PSD3: variants seen among roughly 807,000 people sequenced by gnomAD.
PSD3 encodes pleckstrin and Sec7 domain containing 3.
PSD3 carries 49 observed loss-of-function variants against 105.5 expected under a neutral mutation model. That is an observed-to-expected ratio of 0.46 (90% CI 0.37 to 0.59). PSD3 has a LOEUF of 0.59. Among genes scored for constraint, PSD3 ranks in the 20% least tolerant of loss-of-function variants. The pLI is 0.00. For synonymous variants in PSD3, 557 were observed against 457.8 expected, an observed-to-expected ratio of 1.22 and a Z score of -2.77; for missense variants, 1,561 against 1,263.8, an observed-to-expected ratio of 1.24 and a Z score of -3.57.
chr8:18,813,227 A>G (rs1470510873), intron 4 of PSD3, among the ~76,000 whole-genome samples: 2 of 152,208 alleles, frequency 1.3e-5, no homozygotes, highest in Non-Finnish European at 2.9e-5. Context: ...GATGCCACCA[A>G]ACAAGACAAT....
At position 18,958,439 on chromosome 8, in the gene PSD3, T is replaced by G. The variant is rs1027303452; in HGVS notation, c.22-22297A>C. ...TTGTTTACTTTCTTTTGGGGGAATA[T>G]CTATTTATTTACTTTTGGGTTCCCA... On this transcript the variant is annotated intron_variant, in intron 1 of 15. Coordinates refer to ENST00000327040, the MANE Select transcript of PSD3 (RefSeq NM_015310.4). Among the ~76,000 whole-genome samples, 8 of 152,322 alleles carry G rather than the reference T, an allele frequency of 5.3e-5. 1 individual carries two copies. In the South Asian group the frequency reaches 1.0e-3, roughly 20 times the overall value.
chr8:18,797,429 G>A (rs1451751688), intron 8 of PSD3, among the ~76,000 whole-genome samples: 1 of 152,074 alleles, frequency 6.6e-6, no homozygotes, highest in Non-Finnish European at 1.5e-5. Context: ...CATCCCAGTT[G>A]CCAAGAAGAA....
intron 4 of PSD3, among the ~76,000 whole-genome samples, chr8:18,866,660 A>T (rs1229107063): frequency 1.3e-5 from 2 of 152,184 alleles, no homozygotes; most frequent in African/African-American, 2.4e-5. Context: ...CAAGGAGCCA[A>T]TCCTGAATTT....
At chr8:18,679,671 G>C (rs904464298) in intron 9 of PSD3, among the ~76,000 whole-genome samples, 1 of 152,180 alleles carries the variant, frequency 6.6e-6, no homozygotes, top group African/African-American at 2.4e-5. Flanking sequence ...GAAGTAACTT[G>C]TCTAGGTGAA....
intron 1 of PSD3, among the ~76,000 whole-genome samples, chr8:19,004,495 A>C (rs1826559004): frequency 6.6e-6 from 1 of 152,116 alleles, no homozygotes; most frequent in African/African-American, 2.4e-5. Context: ...AACAGAAAAG[A>C]CAACCCACAG....
chr8:18,577,279 A>G (rs1226539217), intron 12 of PSD3, among the ~76,000 whole-genome samples: 1 of 152,046 alleles, frequency 6.6e-6, no homozygotes, highest in Non-Finnish European at 1.5e-5. Context: ...GGTCTAGAAA[A>G]TCTATTTTCC....
At chr8:18,922,652 T>TATAATTGTTGG (rs1328718389) in intron 2 of PSD3, among the ~76,000 whole-genome samples, 24 of 152,310 alleles carry the variant, frequency 1.6e-4, no homozygotes, top group African/African-American at 5.3e-4. Context: ...TCTCCAAGAC[T>TATAATTGTTGG]GCCCCTTCCC....
intron 15 of PSD3, among the ~76,000 whole-genome samples, chr8:18,548,721 C>T (rs1156702281): frequency 2.0e-5 from 3 of 152,156 alleles, no homozygotes; most frequent in Non-Finnish European, 4.4e-5. Context: ...TTTGCACTTG[C>T]TATCTGCAGT....
At chr8:18,964,242 G>A (rs577822257) in intron 1 of PSD3, among the ~76,000 whole-genome samples, 2 of 152,174 alleles carry the variant, frequency 1.3e-5, no homozygotes, top group South Asian at 4.2e-4. Flanking sequence ...TCCCACCTCA[G>A]CCATCCCAGT....
At chr8:18,948,153 C>A (rs1317191701) in intron 1 of PSD3, among the ~76,000 whole-genome samples, 1 of 152,176 alleles carries the variant, frequency 6.6e-6, no homozygotes, top group Non-Finnish European at 1.5e-5. Context: ...CGCCTTTTCC[C>A]CTACCTATTC....
chr8:18,634,028 T>G (rs892146424), intron 10 of PSD3, among the ~76,000 whole-genome samples: 8 of 152,054 alleles, frequency 5.3e-5, no homozygotes, highest in Non-Finnish European at 1.0e-4. Context: ...TGACGCCGAG[T>G]ATTTTTTCAT....
chr8:19,016,234 G>A (rs1366799323), upstream of PSD3, among the ~76,000 whole-genome samples: 1 of 152,176 alleles, frequency 6.6e-6, no homozygotes, highest in African/African-American at 2.4e-5. Flanking sequence ...AAGGAGGCAC[G>A]CAGACCACCT....
rs74923127 is a variant in PSD3, at chr8:18,707,955, G to A, written c.2173-52270C>T. 2.0e-3 allele frequency among the ~76,000 whole-genome samples: 311 copies of A among 152,326 alleles called. 11 individuals are homozygous for A. In the East Asian group the frequency reaches 0.049, roughly 24 times the overall value. On this transcript the variant is annotated intron_variant, in intron 9 of 15. Transcript: ENST00000327040. ...GAGCTGAATTGCTCAGGGCAACAGA[G>A]GAAAGATTAGGCAATGCCACCTACA...
upstream of PSD3, among the ~76,000 whole-genome samples, chr8:19,017,991 C>T (rs1375408609): frequency 6.6e-6 from 1 of 152,186 alleles, no homozygotes; most frequent in Non-Finnish European, 1.5e-5. Context: ...TCCACAGTGG[C>T]CGCACCACTC....
intron 4 of PSD3, among the ~76,000 whole-genome samples, chr8:18,810,892 AG>A (rs1307174084): frequency 1.3e-5 from 2 of 152,242 alleles, no homozygotes; most frequent in Non-Finnish European, 2.9e-5. Context: ...CACAGCTTCC[AG>A]GGCTGAAATA....
intron 9 of PSD3, among the ~76,000 whole-genome samples, chr8:18,715,024 G>A (rs1442745571): frequency 6.6e-6 from 1 of 152,118 alleles, no homozygotes; most frequent in Non-Finnish European, 1.5e-5. Flanking sequence ...GCAAACTAAT[G>A]CAGGAAAAGA....
At chr8:18,582,816 C>CTTTTTTTTTTTTTTT (rs71217386) in intron 12 of PSD3, among the ~76,000 whole-genome samples, 1 of 125,474 alleles carries the variant, frequency 8.0e-6, no homozygotes, top group Non-Finnish European at 1.6e-5. Context: ...CCACACTGAT[C>CTTTTTTTTTTTTTTT]TTTTTTTTTT....
rs1827898834 is a variant in PSD3 at position 19,035,115 on chromosome 8, A to T, written c.324+49091T>A. Reference sequence around the variant, plus strand: ...ATCTTTTCTGAGTAACAAATATAAAAATTGTCATCCATAAATATTTGATAT... The same window carrying T: ...ATCTTTTCTGAGTAACAAATATAAATATTGTCATCCATAAATATTTGATAT... On this transcript the variant is annotated intron_variant, in intron 1 of 1. Transcript: ENST00000521475. Among the ~76,000 whole-genome samples, 3 of 152,188 alleles carry T rather than the reference A, an allele frequency of 2.0e-5. No individual in the cohort carries two copies. In the South Asian group the frequency reaches 6.2e-4, roughly 31 times the overall value.
At chr8:18,753,887 A>G (rs1474500043) in intron 9 of PSD3, among the ~76,000 whole-genome samples, 3 of 152,148 alleles carry the variant, frequency 2.0e-5, no homozygotes, top group Admixed American at 2.0e-4. Context: ...GCTACTGACG[A>G]CACAGATTTG....
Sources: gnomAD v4.1 joint callset for allele counts (sites outside exome capture counted in the v4.1 genomes callset) on GRCh38, gnomAD v4.1.1 for gene constraint, MANE v1.5 for transcripts, NCBI Gene and HGNC (gene_info 2026-07-23, HGNC 2026-07-21) for gene names.